Variants in AOPEP observed in about 807,000 individuals in gnomAD.
The protein encoded by AOPEP is aminopeptidase O.
A neutral mutation model predicts 98.1 loss-of-function variants in AOPEP; 77 were observed. That is an observed-to-expected ratio of 0.78 (90% CI 0.65 to 0.95). The LOEUF is 0.95. Among genes scored for constraint, AOPEP ranks in the 40% least tolerant of loss-of-function variants. The probability of loss-of-function intolerance (pLI) is 0.00; values close to 1 mark genes in which losing one functional copy is unlikely to be tolerated. For missense variants in AOPEP, 1,024 were observed against 1,024.7 expected (o/e 1.00, Z 0.01); for synonymous variants, 346 against 365.3 (o/e 0.95, Z 0.60).
intron 5 of AOPEP, among the ~76,000 whole-genome samples, chr9:94,860,938 A>G (rs550503005): frequency 2.6e-5 from 4 of 152,218 alleles, no homozygotes; most frequent in Non-Finnish European, 5.9e-5. Flanking sequence ...TCCATGTTAG[A>G]TAAATAAACC....
At chr9:95,045,801 C>T (rs570781154) in intron 13 of AOPEP, among the ~76,000 whole-genome samples, 4 of 152,328 alleles carry the variant, frequency 2.6e-5, no homozygotes, top group African/African-American at 9.6e-5. Context: ...TCCCCTAACC[C>T]TCATTAAACG....
At chr9:94,962,653 G>C (rs1258169130) in intron 9 of AOPEP, among the ~76,000 whole-genome samples, 1 of 150,918 alleles carries the variant, frequency 6.6e-6, no homozygotes, top group Admixed American at 6.6e-5. Context: ...AGTCCCTAAA[G>C]TTCTTCCTTT....
intron 5 of AOPEP, among the ~76,000 whole-genome samples, chr9:94,813,996 A>C (rs1851182498): frequency 6.6e-6 from 1 of 152,228 alleles, no homozygotes; most frequent in Non-Finnish European, 1.5e-5. Context: ...AGAGTCATGC[A>C]CAAGGGGGGC....
At chr9:95,055,996 ATTTT>A (rs970143502) in intron 13 of AOPEP, among the ~76,000 whole-genome samples, 1 of 151,852 alleles carries the variant, frequency 6.6e-6, no homozygotes, top group Admixed American at 6.6e-5. Context: ...TTTTTTAACC[ATTTT>A]TGGGAAGAAT....
chr9:94,928,537 G>T lies in AOPEP; in HGVS notation c.1661+6G>T. On this transcript the variant is annotated splice_donor_region_variant and intron_variant, in intron 7 of 16. Coordinates refer to ENST00000375315, the MANE Select transcript of AOPEP (RefSeq NM_001193329.3). ...GAGGAGATGCAGGTGTTAAGGTAAA[G>T]CTGCATGGTGATCCACAGCCCTCTC... 1 of 1,540,486 alleles carries T rather than the reference G, an allele frequency of 6.5e-7. No homozygotes were observed.
At chr9:94,924,227 C>A in intron 6 of AOPEP, 52 bp downstream of exon 6, 1 of 1,299,526 alleles carries the variant, frequency 7.7e-7, no homozygotes, top group Non-Finnish European at 9.9e-7. Flanking sequence ...AATTCCATTT[C>A]TGGTCATTTG....
chr9:94,917,931 C>T (rs1241644367), intron 5 of AOPEP, among the ~76,000 whole-genome samples: 1 of 152,154 alleles, frequency 6.6e-6, no homozygotes, highest in Non-Finnish European at 1.5e-5. Context: ...CAGCTCCTTT[C>T]TCTGCTTCTT....
intron 11 of AOPEP, among the ~76,000 whole-genome samples, chr9:95,001,944 ATT>A (rs111860886): frequency 2.1e-5 from 3 of 141,572 alleles, no homozygotes; most frequent in Non-Finnish European, 3.1e-5. Context: ...TGCCTGGCTG[ATT>A]TTTTTTTTTT....
chr9:94,851,638 T>C (rs2043565303), intron 5 of AOPEP, among the ~76,000 whole-genome samples: 1 of 151,612 alleles, frequency 6.6e-6, no homozygotes, highest in South Asian at 2.1e-4. Context: ...TGTGATCTGA[T>C]GACTGGTCTT....
At chr9:94,749,089 T>G (rs1835128366) in intron 1 of AOPEP, among the ~76,000 whole-genome samples, 1 of 152,228 alleles carries the variant, frequency 6.6e-6, no homozygotes, top group Non-Finnish European at 1.5e-5. Context: ...AGATGTAGTC[T>G]CTCCCTTCAT....
At chr9:95,085,059 C>G (rs2070443704) in intron 16 of AOPEP, 1 of 351,062 alleles carries the variant, frequency 2.8e-6, no homozygotes, top group Non-Finnish European at 5.7e-6. Context: ...CCCTTTGATT[C>G]AAGAAATTAT....
intron 13 of AOPEP, among the ~76,000 whole-genome samples, chr9:95,023,455 A>AT (rs1415740039): frequency 6.6e-6 from 1 of 152,316 alleles, no homozygotes; most frequent in African/African-American, 2.4e-5. Flanking sequence ...AAGCTGCCCC[A>AT]TGGGGCCACT....
intron 5 of AOPEP, among the ~76,000 whole-genome samples, chr9:94,892,429 A>G (rs1417347815): frequency 2.6e-5 from 4 of 152,184 alleles, no homozygotes; most frequent in African/African-American, 7.2e-5. Flanking sequence ...CTATGCTATC[A>G]AGTTCACTCA....
At chr9:95,118,001 G>A in the AOPEP span, among the ~76,000 whole-genome samples, 1 of 149,412 alleles carries the variant, frequency 6.7e-6, no homozygotes, top group African/African-American at 2.5e-5. Flanking sequence ...GGATTACAGT[G>A]AGCCACCATG....
intron 1 of AOPEP, among the ~76,000 whole-genome samples, chr9:94,749,297 TTGTC>T (rs1434656729): frequency 6.6e-6 from 1 of 152,176 alleles, no homozygotes; most frequent in Non-Finnish European, 1.5e-5. Context: ...ATTCTTCTGT[TTGTC>T]TGTCTGTTTT....
At chr9:94,890,867 A>T (rs967170694) in intron 5 of AOPEP, among the ~76,000 whole-genome samples, 7 of 152,218 alleles carry the variant, frequency 4.6e-5, no homozygotes, top group African/African-American at 1.4e-4. Flanking sequence ...TTTGTGACTC[A>T]GGGCCTGTTG....
chr9:94,928,583 C>T (rs1588935490), intron 7 of AOPEP, 52 bp downstream of exon 7: 1 of 1,284,240 alleles, frequency 7.8e-7, no homozygotes, highest in Non-Finnish European at 1.1e-6. Flanking sequence ...TTCTTTCCTT[C>T]AAGACACCTC....
At chr9:94,928,823 G>T in intron 7 of AOPEP, 1 of 301,534 alleles carries the variant, frequency 3.3e-6, no homozygotes, top group East Asian at 8.5e-5. Context: ...GGCTGCGGAT[G>T]TGGCGAGGGT....
At chr9:94,879,725 T>C (rs1416641831) in intron 5 of AOPEP, among the ~76,000 whole-genome samples, 1 of 152,228 alleles carries the variant, frequency 6.6e-6, no homozygotes, top group Non-Finnish European at 1.5e-5. Context: ...GTTCAAATGG[T>C]CCATCAGATG....
Sources: gnomAD v4.1 joint callset for allele counts (sites outside exome capture counted in the v4.1 genomes callset) on GRCh38, gnomAD v4.1.1 for gene constraint, MANE v1.5 for transcripts, NCBI Gene and HGNC (gene_info 2026-07-23, HGNC 2026-07-21) for gene names.